The following ZCCHC14 variants were observed in gnomAD, a reference collection of about 807,000 sequenced individuals.
The protein encoded by ZCCHC14 is zinc finger CCHC-type containing 14.
ZCCHC14 carries 16 observed loss-of-function variants against 85.0 expected under a neutral mutation model. The observed-to-expected ratio is 0.19, with a 90% CI of 0.13 to 0.29. The LOEUF is 0.29. ZCCHC14 is among the 10% of genes least tolerant of loss of function. The pLI is 1.00. For synonymous variants in ZCCHC14, 775 were observed against 630.7 expected (o/e 1.23, Z -3.43); for missense variants, 1,303 against 1,443.5 (o/e 0.90, Z 1.58).
chr16:87,451,408 G>C lies in ZCCHC14; in HGVS notation c.694+8600C>G, dbSNP rs567592225. On this transcript the variant is annotated intron_variant, in intron 2 of 12. Coordinates refer to ENST00000671377, the MANE Select transcript of ZCCHC14 (RefSeq NM_015144.3). Reference sequence around the variant, plus strand: ...AAGCGGGGTTTCACCATGTTGATCAGACTGGTCTCAAACTCCTGACCTCAG... The same window carrying C: ...AAGCGGGGTTTCACCATGTTGATCACACTGGTCTCAAACTCCTGACCTCAG... Among the ~76,000 whole-genome samples the C allele has an allele frequency of 2.6e-5, 4 of 151,508 alleles. No individual in the cohort carries two copies. The East Asian group carries it at 7.8e-4, about 29-fold the overall frequency.
intron 1 of ZCCHC14, among the ~76,000 whole-genome samples, chr16:87,478,710 A>G (rs1200715416): frequency 6.6e-6 from 1 of 151,776 alleles, no homozygotes; most frequent in African/African-American, 2.4e-5. Flanking sequence ...AGGTTCAAAC[A>G]ATTCTCCTGC....
At chr16:87,474,731 T>A (rs572753501) in intron 1 of ZCCHC14, among the ~76,000 whole-genome samples, 1 of 152,286 alleles carries the variant, frequency 6.6e-6, no homozygotes, top group Middle Eastern at 3.4e-3. Flanking sequence ...AGGGGAATTC[T>A]GGTAGATGAT....
intron 2 of ZCCHC14, among the ~76,000 whole-genome samples, chr16:87,444,182 C>T (rs1372032208): frequency 2.6e-5 from 4 of 152,152 alleles, no homozygotes; most frequent in Non-Finnish European, 5.9e-5. Context: ...CTTCTAAAAC[C>T]CATTTCCCAC....
intron 2 of ZCCHC14, among the ~76,000 whole-genome samples, chr16:87,436,477 C>T (rs934846485): frequency 6.6e-6 from 1 of 152,150 alleles, no homozygotes; most frequent in Non-Finnish European, 1.5e-5. Context: ...CGGGCTAGTG[C>T]GGGGGCTGGG....
chr16:87,452,529 C>T (rs561385430), intron 2 of ZCCHC14, among the ~76,000 whole-genome samples: 1 of 152,104 alleles, frequency 6.6e-6, no homozygotes, highest in Non-Finnish European at 1.5e-5. Flanking sequence ...ATCGGGACCA[C>T]CAGCCTTTGA....
At chr16:87,448,213 C>A (rs1318923706) in intron 2 of ZCCHC14, among the ~76,000 whole-genome samples, 1 of 152,160 alleles carries the variant, frequency 6.6e-6, no homozygotes, top group East Asian at 1.9e-4. Flanking sequence ...TTTTGTTATT[C>A]TGAATGAAAA....
At chr16:87,474,278 C>CA (rs1911904076) in intron 1 of ZCCHC14, 1 of 152,372 alleles carries the variant, frequency 6.6e-6, no homozygotes, top group Non-Finnish European at 1.5e-5. Context: ...TGACATCCTC[C>CA]AAATGGACCC....
Position 87,489,934 on chromosome 16 carries a change from C to T in ZCCHC14, c.570+1735G>A, listed in dbSNP as rs888907744. On this transcript the variant is annotated intron_variant, in intron 1 of 12. Coordinates refer to ENST00000671377, the MANE Select transcript of ZCCHC14 (RefSeq NM_015144.3). Reference sequence around the variant, plus strand: ...AGAAATTATTAGTGGGTGGAATCTACACAAAGGAGTAACAGCACATGAAAC... The same window carrying T: ...AGAAATTATTAGTGGGTGGAATCTATACAAAGGAGTAACAGCACATGAAAC... Among the ~76,000 whole-genome samples the T allele has an allele frequency of 2.6e-4, 40 of 152,274 alleles. 1 individual carries two copies. Among genetic ancestry groups the T allele is most frequent in the Non-Finnish European group, 4.4e-5 (3 of 68,032 alleles).
intron 8 of ZCCHC14, among the ~76,000 whole-genome samples, chr16:87,416,701 A>G (rs530047667): frequency 6.6e-6 from 1 of 152,284 alleles, no homozygotes; most frequent in East Asian, 1.9e-4. Context: ...GGTTGCAGGG[A>G]GCCGAGACCA....
rs1288682995 is a variant in ZCCHC14 at position 87,420,001 on chromosome 16, G to A, written c.951-124C>T. On this transcript the variant is annotated intron_variant, in intron 5 of 12. Coordinates refer to ENST00000671377, the MANE Select transcript of ZCCHC14 (RefSeq NM_015144.3). The surrounding 1 kb of genome is among the most constrained non-coding windows in gnomAD (Gnocchi z 5.0). ...TAGAGGAAAAAAGCCAGAAGTGCCA[G>A]AGCCTCATATTCTTCCTGCTTTAAT... The A allele has an allele frequency of 2.9e-6, 2 of 699,594 alleles. No homozygotes were observed. The highest frequency in any genetic ancestry group is 5.9e-5 in the East Asian group (2 of 33,904). 43.3% of individuals were successfully genotyped at this position (699,594 alleles called of 1,614,324 possible). A position where few individuals can be genotyped will look rare whatever the true frequency, so the allele number is the denominator to read the frequency against.
At chr16:87,451,184 G>A (rs368287373) in intron 2 of ZCCHC14, among the ~76,000 whole-genome samples, 1 of 146,434 alleles carries the variant, frequency 6.8e-6, no homozygotes, top group African/African-American at 2.5e-5. Flanking sequence ...ACAGGCGTGA[G>A]ACATGGCGCC....
intron 2 of ZCCHC14, 146 bp downstream of exon 2, chr16:87,459,862 G>T: frequency 1.6e-6 from 2 of 1,271,096 alleles, no homozygotes; most frequent in Non-Finnish European, 2.2e-6. Flanking sequence ...GCATATTCAT[G>T]TATTGCTTAT....
intron 2 of ZCCHC14, among the ~76,000 whole-genome samples, chr16:87,434,542 T>C (rs992422852): frequency 1.3e-5 from 2 of 152,212 alleles, no homozygotes; most frequent in African/African-American, 4.8e-5. Context: ...CAACGTGAAA[T>C]ACTCAACACA....
intron 3 of ZCCHC14, among the ~76,000 whole-genome samples, chr16:87,428,051 A>C (rs190596750): frequency 5.3e-5 from 8 of 151,176 alleles, no homozygotes; most frequent in African/African-American, 2.0e-4. Context: ...TGCTGACTTT[A>C]TATCAAAAAG....
At chr16:87,473,224 T>TG (rs1167148079) in intron 1 of ZCCHC14, 1 of 150,898 alleles carries the variant, frequency 6.6e-6, no homozygotes, top group Non-Finnish European at 1.5e-5. Flanking sequence ...TTTTTGGAGA[T>TG]GGAGTTTCGC....
intron 1 of ZCCHC14, among the ~76,000 whole-genome samples, chr16:87,479,416 C>CAAAA (rs35830701): frequency 8.4e-6 from 1 of 119,340 alleles, no homozygotes; most frequent in African/African-American, 2.9e-5. Context: ...GACTACGTCT[C>CAAAA]AAAAAAAAAA....
rs1196880897 is a variant in ZCCHC14, at chr16:87,412,102, G to A, written c.2619C>T (p.Ser873=). Residue 873 remains serine, a synonymous_variant, in exon 12 of 13, where the codon TCC becomes TCT. Coordinates refer to ENST00000671377, the MANE Select transcript of ZCCHC14 (RefSeq NM_015144.3). ...CPAPSSSPAL[S]SVPESSFYSS... is the part of the protein sequence containing the mutation. ...TATAGAAACTGCTTTCAGGGACGGAGGACAGCGCCGGGCTGGAGCTGGGGG... is the reference window on the plus strand; with the variant it reads ...TATAGAAACTGCTTTCAGGGACGGAAGACAGCGCCGGGCTGGAGCTGGGGG... The A allele has an allele frequency of 6.2e-7, 1 of 1,613,450 alleles. No individual in the cohort carries two copies. Among genetic ancestry groups the A allele is most frequent in the Admixed American group, 1.7e-5 (1 of 60,034 alleles).
chr16:87,483,304 C>CAAAAA (rs56708958), intron 1 of ZCCHC14, among the ~76,000 whole-genome samples: 1 of 43,660 alleles, frequency 2.3e-5, no homozygotes, highest in African/African-American at 8.6e-5. Context: ...CTAAAAATAC[C>CAAAAA]AAAAAAAAAA....
intron 2 of ZCCHC14, among the ~76,000 whole-genome samples, chr16:87,445,331 C>G (rs1486339796): frequency 6.6e-6 from 1 of 152,198 alleles, no homozygotes; most frequent in Non-Finnish European, 1.5e-5. Flanking sequence ...TCCCAAAGTG[C>G]TGCGATTACA....
Sources: gnomAD v4.1 joint callset for allele counts (sites outside exome capture counted in the v4.1 genomes callset) on GRCh38, gnomAD v4.1.1 for gene constraint, Gnocchi (gnomAD v3.1) non-coding constraint, MANE v1.5 for transcripts, NCBI Gene and HGNC (gene_info 2026-07-23, HGNC 2026-07-21) for gene names.